Variants in YTHDF3 observed in about 807,000 individuals in gnomAD.
YTHDF3 encodes the protein YTH N6-methyladenosine RNA binding protein F3, also known as YTH domain-containing family protein 3.
In YTHDF3, 9 loss-of-function variants were observed where a neutral mutation model predicts 52.5. That is an observed-to-expected ratio of 0.17 (90% CI 0.10 to 0.30). The LOEUF (loss-of-function observed/expected upper bound fraction) is 0.30, where lower values mean the gene tolerates loss of function less well. Ranked by LOEUF, YTHDF3 falls within the 10% of genes least tolerant of loss-of-function variation. YTHDF3 has a pLI of 1.00. For missense variants in YTHDF3, 534 were observed against 715.0 expected, an observed-to-expected ratio of 0.75 and a Z score of 2.89; for synonymous variants, 274 against 243.3, an observed-to-expected ratio of 1.13 and a Z score of -1.18.
intron 3 of YTHDF3, chr8:63,175,635 G>T: frequency 2.4e-6 from 1 of 408,792 alleles, no homozygotes; most frequent in Non-Finnish European, 4.5e-6. Context: ...ATGAAATATA[G>T]AATAAAGATT....
rs72659900 is a variant in YTHDF3 at position 63,211,295 on chromosome 8, T to C, written c.*1589T>C. 553 of 152,650 alleles carry C rather than the reference T, an allele frequency of 3.6e-3. 3 individuals carry two copies. Among genetic ancestry groups the C allele is most frequent in the Middle Eastern group, 0.01 (3 of 294 alleles). 9.5% of individuals were successfully genotyped at this position (152,650 alleles called of 1,614,324 possible). A position where few individuals can be genotyped will look rare whatever the true frequency, so the allele number is the denominator to read the frequency against. On this transcript the variant is annotated 3_prime_UTR_variant, in exon 5 of 5. Coordinates refer to ENST00000539294, the MANE Select transcript of YTHDF3 (RefSeq NM_152758.6). ...TTCTTCGGTAGTCCCAGTGTAGTTA[T>C]ATCAGTGTTTACTGAAGGGAACATC...
chr8:63,170,535 A>T (rs1807254663), intron 2 of YTHDF3, among the ~76,000 whole-genome samples: 1 of 152,136 alleles, frequency 6.6e-6, no homozygotes, highest in Admixed American at 6.5e-5. Flanking sequence ...TTAAAATTTC[A>T]TTTCTAGAAT....
intron 4 of YTHDF3, among the ~76,000 whole-genome samples, chr8:63,207,518 T>A (rs1810109266): frequency 6.6e-6 from 1 of 152,114 alleles, no homozygotes; most frequent in African/African-American, 2.4e-5. Context: ...CCTTTTGGGG[T>A]ATTTTCTTTA....
intron 3 of YTHDF3, among the ~76,000 whole-genome samples, chr8:63,180,819 C>T (rs1032813175): frequency 2.0e-5 from 3 of 152,326 alleles, no homozygotes; most frequent in South Asian, 2.1e-4. Context: ...CAAAAAAATA[C>T]GAAAACCAGT....
intron 2 of YTHDF3, among the ~76,000 whole-genome samples, chr8:63,173,143 GC>G (rs1197252121): frequency 7.3e-6 from 1 of 137,562 alleles, no homozygotes. Flanking sequence ...TTGTTCTCAG[GC>G]CTAGCCTCTT....
chr8:63,198,681 T>C (rs1809394584), intron 4 of YTHDF3, among the ~76,000 whole-genome samples: 1 of 152,226 alleles, frequency 6.6e-6, no homozygotes, highest in South Asian at 2.1e-4. Context: ...CAACTTTGTG[T>C]TAACATAGAA....
At chr8:63,194,630 C>G (rs1563407946) in intron 4 of YTHDF3, among the ~76,000 whole-genome samples, 1 of 152,140 alleles carries the variant, frequency 6.6e-6, no homozygotes, top group Non-Finnish European at 1.5e-5. Context: ...CTTGAGATAA[C>G]TTTCCCCCAG....
intron 4 of YTHDF3, 90 bp from the exon 5 acceptor site, chr8:63,209,593 T>G: frequency 7.9e-7 from 1 of 1,272,100 alleles, no homozygotes; most frequent in Non-Finnish European, 1.1e-6. Context: ...GGAGATGATT[T>G]ACATTATATG....
At chr8:63,185,531 CTT>C (rs919033576) in intron 3 of YTHDF3, among the ~76,000 whole-genome samples, 27 of 151,984 alleles carry the variant, frequency 1.8e-4, no homozygotes, top group African/African-American at 5.3e-4. Flanking sequence ...TGTTTTATGT[CTT>C]TTTTTGAAAT....
At chr8:63,173,670 AGAG>A (rs1466105727) in intron 2 of YTHDF3, 38 of 985,132 alleles carry the variant, frequency 3.9e-5, no homozygotes, top group Admixed American at 1.2e-4. Flanking sequence ...AGCCAGTGTC[AGAG>A]GAGAACAGGT....
chr8:63,180,271 C>T (rs1454001565), intron 3 of YTHDF3, among the ~76,000 whole-genome samples: 1 of 147,960 alleles, frequency 6.8e-6, no homozygotes, highest in Non-Finnish European at 1.5e-5. Flanking sequence ...GGCGGCCGGG[C>T]AGAGATGCTC....
Position 63,186,355 on chromosome 8 carries a change from C to G in YTHDF3, c.344C>G (p.Thr115Ser). 1 of 1,613,984 alleles carries G rather than the reference C, an allele frequency of 6.2e-7. No homozygotes were observed. Among genetic ancestry groups the G allele is most frequent in the Non-Finnish European group, 8.5e-7 (1 of 1,179,886 alleles). Residue 115 changes from threonine to serine, a missense_variant, in exon 4 of 5, where the codon ACC becomes AGC. This residue lies in a region of YTHDF3 where 196 missense variants were observed against 299.5 expected (regional missense o/e 0.65). Transcript: ENST00000539294. ...VFSQPGALGNTPPFLGQHGFN... is the reference protein window; with the variant it reads ...VFSQPGALGNSPPFLGQHGFN... ...AGTCAACCTGGGGCATTAGGAAATA[C>G]CCCTCCATTTCTTGGTCAACATGGA...
At chr8:63,172,805 C>T in intron 2 of YTHDF3, 7 of 1,231,404 alleles carry the variant, frequency 5.7e-6, no homozygotes, top group Non-Finnish European at 7.1e-6. Context: ...TCATGTAAGT[C>T]ATCTGTTCTT....
intron 4 of YTHDF3, among the ~76,000 whole-genome samples, chr8:63,196,369 G>A (rs1439136310): frequency 2.6e-5 from 4 of 151,746 alleles, no homozygotes; most frequent in African/African-American, 4.8e-5. Context: ...TGAGACCAGC[G>A]TGGCCAACAT....
At position 63,168,804 on chromosome 8, in the gene YTHDF3, A is replaced by G. The variant is rs929655651; in HGVS notation, c.-74A>G. The G allele has an allele frequency of 1.4e-5, 21 of 1,549,082 alleles. No individual in the cohort carries two copies. In the African/African-American group the frequency reaches 2.5e-4, roughly 18 times the overall value. On this transcript the variant is annotated 5_prime_UTR_variant, in exon 1 of 5. Transcript: ENST00000539294. The stretch of plus-strand genomic sequence containing the variant: ...GAACAATCACTCGGCCAAGGGCGAC[A>G]GCCAACTGCTGTGAGTGCACGGGGA...
At chr8:63,188,712 T>A (rs1459800258) in intron 4 of YTHDF3, 9 of 127,562 alleles carry the variant, frequency 7.1e-5, no homozygotes, top group African/African-American at 2.8e-4. Flanking sequence ...TTTTTTTTTT[T>A]TTTTTTTTTT....
chr8:63,187,723 A>G lies in YTHDF3; in HGVS notation c.1712A>G (p.Glu571Gly), dbSNP rs1304158076. Reference protein sequence around the residue: ...DDFAHYEKRQEEEEAMRRERN... With the variant: ...DDFAHYEKRQGEEEAMRRERN... The stretch of plus-strand genomic sequence containing the variant: ...TTTGCACATTATGAAAAGCGTCAAG[A>G]AGAGGAGGAAGCCATGCGTAGGGTA... The change falls in exon 4 of 5, where the codon GAA (glutamate) becomes GGA (glycine). Residue 571 changes from glutamate to glycine, a missense_variant. Around this residue, in one of 3 missense-constraint regions of YTHDF3, gnomAD observed 135 missense variants for 214.2 expected, o/e 0.63. Coordinates refer to ENST00000539294, the MANE Select transcript of YTHDF3 (RefSeq NM_152758.6). 2.5e-6 allele frequency: 4 copies of G among 1,608,704 alleles called. No homozygotes were observed. The highest frequency in any genetic ancestry group is 3.4e-6 in the Non-Finnish European group (4 of 1,177,272).
chr8:63,178,848 T>C (rs562817261), intron 3 of YTHDF3, among the ~76,000 whole-genome samples: 1 of 152,324 alleles, frequency 6.6e-6, no homozygotes, highest in South Asian at 2.1e-4. Context: ...ATAGTGCTAT[T>C]ATAACAGATT....
chr8:63,168,957 T>A, intron 1 of YTHDF3, 56 bp downstream of exon 1: 3 of 1,524,168 alleles, frequency 2.0e-6, no homozygotes, highest in Non-Finnish European at 2.6e-6. Flanking sequence ...AGCTCCACCC[T>A]CGCGCGGGGC....
Sources: gnomAD v4.1 joint callset for allele counts (sites outside exome capture counted in the v4.1 genomes callset) on GRCh38, gnomAD v4.1.1 for gene constraint, gnomAD v4.1.1 regional missense constraint, MANE v1.5 for transcripts, NCBI Gene and HGNC (gene_info 2026-07-23, HGNC 2026-07-21) for gene names.